ADCY3: variants seen among roughly 807,000 people sequenced by gnomAD.
ADCY3 encodes adenylate cyclase type 3.
Under a neutral mutation model 119.4 loss-of-function variants are expected in ADCY3, and 70 were observed. That is an observed-to-expected ratio of 0.59 (90% CI 0.48 to 0.72). The LOEUF is 0.72. Ranked by LOEUF, ADCY3 falls within the 30% of genes least tolerant of loss-of-function variation. ADCY3 has a pLI of 0.00. For synonymous variants in ADCY3, 672 were observed against 621.4 expected, an observed-to-expected ratio of 1.08 and a Z score of -1.21; for missense variants, 1,238 against 1,541.6, an observed-to-expected ratio of 0.80 and a Z score of 3.30.
At chr2:24,828,282 C>T (rs555278857) in intron 13 of ADCY3, 121 bp from the exon 14 acceptor site, 20 of 1,238,104 alleles carry the variant, frequency 1.6e-5, no homozygotes, top group Admixed American at 4.9e-5. Context: ...CCAGAAATAC[C>T]GGGAAAGATG....
intron 12 of ADCY3, 118 bp from the exon 13 acceptor site, chr2:24,830,943 C>T (rs572877070): frequency 3.8e-6 from 3 of 788,716 alleles, no homozygotes; most frequent in African/African-American, 3.4e-5. Flanking sequence ...AAAACGGACT[C>T]TGCCTGGGAG....
At chr2:24,828,681 A>T (rs1309986419) in intron 13 of ADCY3, among the ~76,000 whole-genome samples, 1 of 152,240 alleles carries the variant, frequency 6.6e-6, no homozygotes, top group African/African-American at 2.4e-5. Flanking sequence ...GAGAAAGCGC[A>T]TCCAGAACCG....
rs1425610411 is a variant in ADCY3, at chr2:24,878,134, T to C, written c.676-5415A>G. 1 of 274,200 alleles carries C rather than the reference T, an allele frequency of 3.6e-6. No individual in the cohort carries two copies. The highest frequency in any genetic ancestry group is 4.4e-5 in the Admixed American group (1 of 22,878). 17.0% of individuals were successfully genotyped at this position (274,200 alleles called of 1,614,324 possible). A position where few individuals can be genotyped will look rare whatever the true frequency, so the allele number is the denominator to read the frequency against. The stretch of plus-strand genomic sequence containing the variant: ...TTTCAAAAGAATTGTTCTGCTTTTT[T>C]AAAATATACAACATTTTTAGAATAA... On this transcript the variant is annotated intron_variant, in intron 2 of 21. Transcript: ENST00000679454. The surrounding 1 kb of genome is among the most constrained non-coding windows in gnomAD (Gnocchi z 4.0).
Position 24,842,632 on chromosome 2 carries a change from G to A in ADCY3, c.826-248C>T. ...AACTGAGGGGAGCCAGAAACGCAGTGAAGCATCCCAACGTGGCTCTGTGCT... is the reference window on the plus strand; with the variant it reads ...AACTGAGGGGAGCCAGAAACGCAGTAAAGCATCCCAACGTGGCTCTGTGCT... On this transcript the variant is annotated intron_variant, in intron 3 of 21. Coordinates refer to ENST00000679454, the MANE Select transcript of ADCY3 (RefSeq NM_004036.5). This position sits in a 1 kb window ranked among gnomAD's most constrained non-coding sequence, Gnocchi z 4.9. 4.0e-6 allele frequency: 2 copies of A among 499,686 alleles called. No homozygotes were observed. Among genetic ancestry groups the A allele is most frequent in the Non-Finnish European group, 3.7e-6 (1 of 273,946 alleles). The allele number at this position is 499,686 out of a possible 1,614,324, so 31.0% of individuals were successfully genotyped here. A position where few individuals can be genotyped will look rare whatever the true frequency, so the allele number is the denominator to read the frequency against.
chr2:24,904,909 A>G (rs138646140), intron 2 of ADCY3, among the ~76,000 whole-genome samples: 135 of 151,814 alleles, frequency 8.9e-4, no homozygotes, highest in Middle Eastern at 3.5e-3. Flanking sequence ...CCAAAGTGTT[A>G]GGATTACAGA....
In ADCY3 at chr2:24,919,384, C is replaced by T. The variant is rs1664847323; in HGVS notation, c.-197-200G>A. ...ACGCCAGACACTCAATTTCCTGTCC[C>T]TGGCTTGTGGAAGGGCCTAGCCGCC... On this transcript the variant is annotated intron_variant, in intron 1 of 21. Transcript: ENST00000679454. This position sits in a 1 kb window ranked among gnomAD's most constrained non-coding sequence, Gnocchi z 5.5. 1 of 185,482 alleles carries T rather than the reference C, an allele frequency of 5.4e-6. No individual in the cohort carries two copies. The highest frequency in any genetic ancestry group is 1.2e-4 in the South Asian group (1 of 8,104). The allele number at this position is 185,482 out of a possible 1,614,324, so 11.5% of individuals were successfully genotyped here.
chr2:24,851,143 T>C (rs575546969), intron 3 of ADCY3, among the ~76,000 whole-genome samples: 5 of 152,268 alleles, frequency 3.3e-5, no homozygotes, highest in African/African-American at 1.2e-4. Flanking sequence ...ACAGTTTTCT[T>C]AGAAAGGGAA....
chr2:24,896,943 A>G (rs2148966546), intron 2 of ADCY3, among the ~76,000 whole-genome samples: 1 of 152,242 alleles, frequency 6.6e-6, no homozygotes, highest in South Asian at 2.1e-4. Flanking sequence ...TCACTCGGTT[A>G]GTCTTCTTTT....
chr2:24,876,344 A>C (rs1328774709), intron 2 of ADCY3, among the ~76,000 whole-genome samples: 1 of 152,184 alleles, frequency 6.6e-6, no homozygotes, highest in East Asian at 1.9e-4. Flanking sequence ...GCCCTATAGC[A>C]CTTAGGTGTG....
chr2:24,833,820 C>T (rs906747523), intron 11 of ADCY3, among the ~76,000 whole-genome samples: 2 of 152,254 alleles, frequency 1.3e-5, no homozygotes, highest in African/African-American at 4.8e-5. Flanking sequence ...CCGGAGCCTG[C>T]AGTGGCCTGC....
intron 14 of ADCY3, 35 bp from the exon 15 acceptor site, chr2:24,827,643 C>A: frequency 6.4e-7 from 1 of 1,565,816 alleles, no homozygotes; most frequent in Non-Finnish European, 8.7e-7. Flanking sequence ...CAGGCCCCAT[C>A]TGGGAACAAG....
intron 13 of ADCY3, among the ~76,000 whole-genome samples, chr2:24,830,185 T>TGC (rs1669276807): frequency 6.6e-6 from 1 of 150,974 alleles, no homozygotes; most frequent in South Asian, 2.1e-4. Flanking sequence ...GGATTACAGG[T>TGC]GTGCACCACC....
Position 24,821,391 on chromosome 2 carries a change from G to A in ADCY3, c.3127+126C>T, listed in dbSNP as rs1015114683. ...GGTCTTTCAGGTCTCCTTGCCCTGTGAGTGCGTGAACCTCCCCACCCGAAT... is the reference window on the plus strand; with the variant it reads ...GGTCTTTCAGGTCTCCTTGCCCTGTAAGTGCGTGAACCTCCCCACCCGAAT... On this transcript the variant is annotated intron_variant, in intron 20 of 21. Coordinates refer to ENST00000679454, the MANE Select transcript of ADCY3 (RefSeq NM_004036.5). 22 of 1,375,594 alleles carry A rather than the reference G, an allele frequency of 1.6e-5. No homozygotes were observed. The African/African-American group carries it at 2.3e-4, about 14-fold the overall frequency. The allele number at this position is 1,375,594 out of a possible 1,614,324, so 85.2% of individuals were successfully genotyped here.
chr2:24,904,429 G>A (rs772531982), intron 2 of ADCY3, among the ~76,000 whole-genome samples: 3 of 152,000 alleles, frequency 2.0e-5, no homozygotes, highest in Admixed American at 6.6e-5. Context: ...ACTGAGGCAG[G>A]AGAATCACTT....
chr2:24,865,967 G>A (rs1020798483), intron 3 of ADCY3, among the ~76,000 whole-genome samples: 2 of 152,166 alleles, frequency 1.3e-5, no homozygotes, highest in Admixed American at 1.3e-4. Context: ...TGTGAGCAAG[G>A]ATTCCAAGGC....
intron 2 of ADCY3, among the ~76,000 whole-genome samples, chr2:24,908,200 T>C (rs893077600): frequency 6.6e-6 from 1 of 151,736 alleles, no homozygotes; most frequent in Non-Finnish European, 1.5e-5. Context: ...CGCATGCCTG[T>C]AACCCCAGCT....
rs575563963 is a variant in ADCY3 at position 24,873,442 on chromosome 2, C to A, written c.676-723G>T. On this transcript the variant is annotated intron_variant, in intron 2 of 21. Coordinates refer to ENST00000679454, the MANE Select transcript of ADCY3 (RefSeq NM_004036.5). Reference sequence around the variant, plus strand: ...TCCCCCACTGCCTGCAAGGTCAGTACCCCGGCTCAAAGGGCTTCTGGGGCA... The same window carrying A: ...TCCCCCACTGCCTGCAAGGTCAGTAACCCGGCTCAAAGGGCTTCTGGGGCA... Among the ~76,000 whole-genome samples the A allele has an allele frequency of 9.3e-4, 142 of 152,286 alleles. 2 individuals are homozygous for A. Among genetic ancestry groups the A allele is most frequent in the Admixed American group, 6.5e-3 (100 of 15,304 alleles).
At chr2:24,905,011 G>T (rs1469223578) in intron 2 of ADCY3, among the ~76,000 whole-genome samples, 1 of 152,032 alleles carries the variant, frequency 6.6e-6, no homozygotes, top group African/African-American at 2.4e-5. Flanking sequence ...CTGATTATTA[G>T]AGTTATTAAC....
chr2:24,829,153 A>G (rs1406036826), intron 13 of ADCY3, among the ~76,000 whole-genome samples: 3 of 151,950 alleles, frequency 2.0e-5, no homozygotes, highest in Non-Finnish European at 4.4e-5. Flanking sequence ...AGTAGCTGGA[A>G]TTACAGGCTC....
Sources: gnomAD v4.1 joint callset for allele counts (sites outside exome capture counted in the v4.1 genomes callset) on GRCh38, gnomAD v4.1.1 for gene constraint, Gnocchi (gnomAD v3.1) non-coding constraint, MANE v1.5 for transcripts, NCBI Gene and HGNC (gene_info 2026-07-23, HGNC 2026-07-21) for gene names.